The following PCYT1B variants were observed in gnomAD, a reference collection of about 807,000 sequenced individuals.
PCYT1B encodes choline-phosphate cytidylyltransferase B.
A neutral mutation model predicts 26.4 loss-of-function variants in PCYT1B; 10 were observed. That is an observed-to-expected ratio of 0.38 (90% CI 0.23 to 0.64). The LOEUF (loss-of-function observed/expected upper bound fraction) is 0.64. PCYT1B is among the 30% of genes least tolerant of loss of function. PCYT1B has a pLI of 0.56. For missense variants in PCYT1B, 161 were observed against 292.7 expected (o/e 0.55, Z 3.28); for synonymous variants, 131 against 108.4 (o/e 1.21, Z -1.29).
chrX:24,576,732 C>CTA (rs761500372), intron 6 of PCYT1B, among the ~76,000 whole-genome samples: 2 of 111,113 alleles, frequency 1.8e-5, no homozygotes, highest in African/African-American at 6.6e-5. Context: ...CTACTGAGAG[C>CTA]TATATATATA....
intron 4 of PCYT1B, among the ~76,000 whole-genome samples, 155 bp downstream of exon 4, chrX:24,589,868 C>A (rs1480330749): frequency 1.8e-5 from 2 of 111,337 alleles, no homozygotes; most frequent in African/African-American, 6.5e-5. Flanking sequence ...CGGGCTTGGG[C>A]GGACGAAAGG....
chrX:24,613,975 A>G (rs866317515), intron 2 of PCYT1B, among the ~76,000 whole-genome samples: 11 of 105,534 alleles, frequency 1.0e-4, no homozygotes, highest in East Asian at 2.9e-4. Flanking sequence ...AAAAAAAAAA[A>G]AAAGAAAGAA....
intron 1 of PCYT1B, among the ~76,000 whole-genome samples, chrX:24,667,609 C>A (rs1183460949): frequency 9.1e-6 from 1 of 109,755 alleles, no homozygotes; most frequent in Non-Finnish European, 1.9e-5. Context: ...CCCAGCTACT[C>A]AGGAGGCTGA....
At chrX:24,656,026 C>T (rs1242303004) in intron 1 of PCYT1B, among the ~76,000 whole-genome samples, 6 of 94,624 alleles carry the variant, frequency 6.3e-5, no homozygotes, top group Non-Finnish European at 6.2e-5. Context: ...CTACTCGGGG[C>T]GCTGAGGCAG....
intron 4 of PCYT1B, among the ~76,000 whole-genome samples, chrX:24,588,662 C>T (rs898645930): frequency 5.4e-5 from 6 of 111,351 alleles, no homozygotes; most frequent in Non-Finnish European, 3.8e-5. Context: ...TAGTGACATT[C>T]GGGACTGGAG....
intron 1 of PCYT1B, among the ~76,000 whole-genome samples, chrX:24,641,360 C>T (rs1321824421): frequency 3.6e-5 from 4 of 112,403 alleles, no homozygotes; most frequent in Non-Finnish European, 7.5e-5. Flanking sequence ...TAATTTCAAA[C>T]TTATTAACTC....
At chrX:24,653,049 C>G (rs1278065790) in intron 1 of PCYT1B, among the ~76,000 whole-genome samples, 1 of 111,947 alleles carries the variant, frequency 8.9e-6, no homozygotes, top group Non-Finnish European at 1.9e-5. Flanking sequence ...CATTGCACCA[C>G]TGCACTCCAG....
At chrX:24,578,456 C>T (rs1234392739) in intron 6 of PCYT1B, among the ~76,000 whole-genome samples, 1 of 111,785 alleles carries the variant, frequency 8.9e-6, no homozygotes, top group Non-Finnish European at 1.9e-5. Context: ...CCTGCATGTT[C>T]TGCACATGTA....
At chrX:24,656,889 G>A (rs113836046) in intron 1 of PCYT1B, among the ~76,000 whole-genome samples, 4,728 of 110,984 alleles carry the variant, frequency 0.043, 117 homozygotes, top group Non-Finnish European at 0.07. Context: ...GTTTAAGAAG[G>A]TCTTAAAAGA....
chrX:24,636,022 C>T (rs997097612), intron 1 of PCYT1B, among the ~76,000 whole-genome samples: 8 of 111,328 alleles, frequency 7.2e-5, no homozygotes, highest in African/African-American at 2.6e-4. Context: ...GATTTTAATT[C>T]ACAGATTACC....
intron 1 of PCYT1B, among the ~76,000 whole-genome samples, chrX:24,644,047 A>G (rs1194340410): frequency 1.2e-4 from 13 of 112,298 alleles, no homozygotes; most frequent in Non-Finnish European, 2.2e-4. Context: ...AAGCTACAAG[A>G]TCAACAGAAA....
chrX:24,656,065 G>A (rs978071669), intron 1 of PCYT1B, among the ~76,000 whole-genome samples: 1 of 96,445 alleles, frequency 1.0e-5, no homozygotes, highest in Non-Finnish European at 2.0e-5. Context: ...GGAGGCGGAG[G>A]CTGCAGTGAG....
intron 1 of PCYT1B, chrX:24,672,430 G>A (rs910122324): frequency 9.3e-6 from 4 of 432,310 alleles, no homozygotes; most frequent in African/African-American, 2.5e-5. Context: ...AACTTAAGAC[G>A]GAGAAGATAA....
intron 6 of PCYT1B, among the ~76,000 whole-genome samples, chrX:24,577,498 C>T (rs1474777096): frequency 8.9e-6 from 1 of 111,897 alleles, no homozygotes; most frequent in Non-Finnish European, 1.9e-5. Context: ...ATCACTTTGA[C>T]TGAATTATGT....
chrX:24,639,323 A>T (rs1926393994), intron 1 of PCYT1B, among the ~76,000 whole-genome samples: 3 of 112,328 alleles, frequency 2.7e-5, no homozygotes. Context: ...CAATGGCAAA[A>T]CTGACACTGG....
At chrX:24,629,829 T>C (rs995762209) in intron 1 of PCYT1B, among the ~76,000 whole-genome samples, 1 of 110,875 alleles carries the variant, frequency 9.0e-6, no homozygotes, top group African/African-American at 3.3e-5. Context: ...AGTGAGTGAA[T>C]ATCAAATAGC....
chrX:24,647,346 C>T lies in PCYT1B; in HGVS notation c.-241G>A. ...TTATCACTATAACAACCAGACGACACTGAAGCGGCTGGTGCGGGATACAGT... is the reference window on the plus strand; with the variant it reads ...TTATCACTATAACAACCAGACGACATTGAAGCGGCTGGTGCGGGATACAGT... On this transcript the variant is annotated 5_prime_UTR_variant, in exon 1 of 8. It adds an upstream start codon to the 5' untranslated region. Transcript: ENST00000379144. 1.1e-6 allele frequency: 1 copy of T among 903,705 alleles called. No individual in the cohort carries two copies. 74.5% of individuals were successfully genotyped at this position (903,705 alleles called of 1,213,427 possible). A position where few individuals can be genotyped will look rare whatever the true frequency, so the allele number is the denominator to read the frequency against.
At position 24,612,819 on chromosome X, in the gene PCYT1B, G is replaced by A. The variant is rs1925350299; in HGVS notation, c.218-4958C>T. On this transcript the variant is annotated intron_variant, in intron 2 of 7. Transcript: ENST00000379144. ...ACGTTACGTTTAAATTCACACTACT[G>A]TGGGGTATGTTAGGCGTTTTTTGGT... 4.5e-5 allele frequency among the ~76,000 whole-genome samples: 5 copies of A among 112,106 alleles called. No homozygotes were observed. In the Admixed American group the frequency reaches 4.7e-4, roughly 11 times the overall value.
In PCYT1B at chrX:24,593,437, CTTTCTTTCTTTTCTTTTCT is replaced by C. The variant is rs1363748030; in HGVS notation, c.335-3282_335-3264del. ...CTTTCTCTCTTTCTTTCTTTCCTTTCTTTCTTTCTTTTCTTTTCTTTTCTTTTCTTTTCTTTTCTTTTCT... is the reference window on the plus strand; with the variant it reads ...CTTTCTCTCTTTCTTTCTTTCCTTTCTTTCTTTTCTTTTCTTTTCTTTTCT... On this transcript the variant is annotated intron_variant, in intron 3 of 7. Coordinates refer to ENST00000379144, the MANE Select transcript of PCYT1B (RefSeq NM_004845.5). 8.2e-3 allele frequency among the ~76,000 whole-genome samples: 602 copies of C among 73,776 alleles called. 8 individuals are homozygous for C. The highest frequency in any genetic ancestry group is 0.018 in the African/African-American group (306 of 17,293). 64.1% of individuals were successfully genotyped at this position (73,776 alleles called of 115,157 possible).
Sources: gnomAD v4.1 joint callset for allele counts (sites outside exome capture counted in the v4.1 genomes callset) on GRCh38, gnomAD v4.1.1 for gene constraint, MANE v1.5 for transcripts, NCBI Gene and HGNC (gene_info 2026-07-23, HGNC 2026-07-21) for gene names.